ZNF385D: variants seen among roughly 807,000 people sequenced by gnomAD.
ZNF385D encodes zinc finger protein 659.
Under a neutral mutation model 35.8 loss-of-function variants are expected in ZNF385D, and 15 were observed. The observed-to-expected ratio is 0.42, with a 90% confidence interval of 0.28 to 0.64. ZNF385D has a LOEUF of 0.64. Among genes scored for constraint, ZNF385D ranks in the 30% least tolerant of loss-of-function variants. The pLI is 0.23. For synonymous variants in ZNF385D, 212 were observed against 186.8 expected (o/e 1.13, Z -1.10); for missense variants, 474 against 494.6 (o/e 0.96, Z 0.39).
chr3:21,686,364 G>A (rs75878034), intron 1 of ZNF385D, among the ~76,000 whole-genome samples: 2,374 of 152,092 alleles, frequency 0.016, 62 homozygotes, highest in African/African-American at 0.052. Context: ...CCCTAGCCAC[G>A]GAATTGTAAA....
Position 21,763,137 on chromosome 3 carries a change from T to C in ZNF385D, c.326-98109A>G, listed in dbSNP as rs561975890. Among the ~76,000 whole-genome samples the C allele has an allele frequency of 3.9e-5, 6 of 152,186 alleles. No individual in the cohort carries two copies. In the South Asian group the frequency reaches 8.3e-4, roughly 21 times the overall value. ...AAAAGCTCTTGAAATTGATGGACAGTTTAGAGAAAAAAATTCACCTTCTCT... is the reference window on the plus strand; with the variant it reads ...AAAAGCTCTTGAAATTGATGGACAGCTTAGAGAAAAAAATTCACCTTCTCT... On this transcript the variant is annotated intron_variant, in intron 3 of 5. Coordinates refer to the ZNF385D transcript ENST00000494108.
At chr3:22,222,913 A>G (rs1305067887) in intron 2 of ZNF385D, among the ~76,000 whole-genome samples, 2 of 152,118 alleles carry the variant, frequency 1.3e-5, no homozygotes, top group African/African-American at 2.4e-5. Context: ...GTGCTCATTT[A>G]AATATTCAGT....
At chr3:21,689,307 C>G (rs1439564581) in intron 1 of ZNF385D, among the ~76,000 whole-genome samples, 3 of 152,082 alleles carry the variant, frequency 2.0e-5, no homozygotes, top group African/African-American at 4.8e-5. Context: ...ACCACTAATA[C>G]TCAGTCACTG....
chr3:21,982,703 T>A (rs1312940827), intron 3 of ZNF385D, among the ~76,000 whole-genome samples: 2 of 152,204 alleles, frequency 1.3e-5, no homozygotes, highest in African/African-American at 2.4e-5. Context: ...CTATTCAGTA[T>A]AACATTGACT....
chr3:21,815,992 T>C (rs1575704549), intron 3 of ZNF385D, among the ~76,000 whole-genome samples: 1 of 152,146 alleles, frequency 6.6e-6, no homozygotes, highest in Non-Finnish European at 1.5e-5. Flanking sequence ...CATGATCAAG[T>C]GGGCTTCATC....
chr3:22,027,533 C>T (rs1207753007), intron 3 of ZNF385D, among the ~76,000 whole-genome samples: 1 of 152,168 alleles, frequency 6.6e-6, no homozygotes, highest in Non-Finnish European at 1.5e-5. Context: ...TAACTACTCT[C>T]CTTTTGAGAG....
rs543502944 is a variant in ZNF385D at position 21,628,359 on chromosome 3, A to G, written c.165+36527T>C. 3.3e-5 allele frequency among the ~76,000 whole-genome samples: 5 copies of G among 152,210 alleles called. No homozygotes were observed. In the East Asian group the frequency reaches 7.7e-4, roughly 24 times the overall value. On this transcript the variant is annotated intron_variant, in intron 2 of 7. Transcript: ENST00000281523. The stretch of plus-strand genomic sequence containing the variant: ...GTGTGGTTCTAGGGAGAAAACATTA[A>G]CTAACTGGCAGTGGAAAACAAGGAG...
At chr3:22,158,968 C>A (rs1705772654) in intron 3 of ZNF385D, among the ~76,000 whole-genome samples, 1 of 151,898 alleles carries the variant, frequency 6.6e-6, no homozygotes, top group Non-Finnish European at 1.5e-5. Context: ...AAAGCTTATA[C>A]TTTCAAACCT....
intron 3 of ZNF385D, among the ~76,000 whole-genome samples, chr3:21,981,693 T>C (rs2125371028): frequency 6.6e-6 from 1 of 152,236 alleles, no homozygotes; most frequent in Admixed American, 6.5e-5. Context: ...TTTACAGTTT[T>C]CGGTTTTACA....
chr3:22,239,175 C>A (rs1485868393), intron 2 of ZNF385D, among the ~76,000 whole-genome samples: 1 of 151,034 alleles, frequency 6.6e-6, no homozygotes, highest in Non-Finnish European at 1.5e-5. Context: ...TTTTCTAGAA[C>A]AAGAGTTGGA....
intron 4 of ZNF385D, among the ~76,000 whole-genome samples, chr3:21,486,462 G>A (rs1288007154): frequency 6.6e-6 from 1 of 152,082 alleles, no homozygotes; most frequent in Non-Finnish European, 1.5e-5. Flanking sequence ...AGTGCATACT[G>A]TCCATTTCTC....
At chr3:22,030,288 T>TC (rs1697898807) in intron 3 of ZNF385D, among the ~76,000 whole-genome samples, 1 of 101,472 alleles carries the variant, frequency 9.9e-6, no homozygotes, top group African/African-American at 4.1e-5. Context: ...TATATATATA[T>TC]ATATATATAT....
chr3:21,811,164 C>T (rs1228416163), intron 3 of ZNF385D, among the ~76,000 whole-genome samples: 1 of 152,074 alleles, frequency 6.6e-6, no homozygotes, highest in Non-Finnish European at 1.5e-5. Context: ...TCCGTATAAA[C>T]TCATTGTATT....
At chr3:22,118,044 G>T (rs1014331308) in intron 3 of ZNF385D, among the ~76,000 whole-genome samples, 1 of 151,966 alleles carries the variant, frequency 6.6e-6, no homozygotes, top group Non-Finnish European at 1.5e-5. Context: ...TGTAACAGAC[G>T]CACAATTAAA....
intron 3 of ZNF385D, among the ~76,000 whole-genome samples, chr3:21,761,987 T>A (rs112188070): frequency 0.11 from 16,781 of 147,876 alleles, 1,344 homozygotes; most frequent in East Asian, 0.42. Flanking sequence ...CAAGCAATTC[T>A]CCTGCCTCAG....
intron 2 of ZNF385D, among the ~76,000 whole-genome samples, chr3:22,312,104 G>A (rs1420188809): frequency 6.6e-6 from 1 of 152,108 alleles, no homozygotes; most frequent in African/African-American, 2.4e-5. Context: ...GGGCAAAATT[G>A]CCTAAGTTCA....
intron 3 of ZNF385D, among the ~76,000 whole-genome samples, chr3:21,834,756 T>C (rs1042667042): frequency 7.4e-5 from 7 of 95,158 alleles, no homozygotes; most frequent in Non-Finnish European, 1.5e-4. Flanking sequence ...CAGTGGGATC[T>C]CGTGGGAGAT....
chr3:21,823,024 G>C (rs1694372511), intron 3 of ZNF385D, among the ~76,000 whole-genome samples: 1 of 152,082 alleles, frequency 6.6e-6, no homozygotes, highest in Non-Finnish European at 1.5e-5. Context: ...AGTAATACAA[G>C]AGAATTCAAA....
chr3:21,742,590 T>C (rs1350858908), intron 1 of ZNF385D, among the ~76,000 whole-genome samples: 1 of 152,022 alleles, frequency 6.6e-6, no homozygotes, highest in Non-Finnish European at 1.5e-5. Flanking sequence ...AGGCAATGGA[T>C]TGGAGGGCAA....
Sources: allele counts gnomAD v4.1 joint callset (sites outside exome capture counted in the v4.1 genomes callset), GRCh38; gene constraint gnomAD v4.1.1; transcripts MANE v1.5; gene names NCBI Gene and HGNC (gene_info 2026-07-23, HGNC 2026-07-21).